WBP11: variants seen among roughly 807,000 people sequenced by gnomAD.
The protein encoded by WBP11 is WW domain binding protein 11.
WBP11 carries 12 observed loss-of-function variants against 66.7 expected under a neutral mutation model. The observed-to-expected ratio is 0.18, with a 90% CI of 0.12 to 0.29. The LOEUF is 0.29. WBP11 is among the 10% of genes least tolerant of loss of function. The pLI is 1.00. For synonymous variants in WBP11, 255 were observed against 273.8 expected (o/e 0.93, Z 0.68); for missense variants, 555 against 818.3 (o/e 0.68, Z 3.93).
chr12:14,794,828 G>A (rs546468455), intron 6 of WBP11, 92 bp from the exon 7 acceptor site: 435 of 1,540,658 alleles, frequency 2.8e-4, no homozygotes, highest in South Asian at 1.1e-3. Flanking sequence ...CAATTTTCAA[G>A]GGATTTCTTA....
rs1379770257 is a variant in WBP11 at position 14,790,633 on chromosome 12, A to G, written c.1132T>C (p.Ser378Pro). The change falls in exon 10 of 12, where the codon TCC becomes CCC. Residue 378 changes from serine (S) to proline (P), a missense_variant. Physicochemically the swap from Ser to Pro is moderately conservative, Grantham distance 74. Transcript: ENST00000261167. The part of the protein sequence containing the change: ...KQSQKQHKEE[S>P]HSDGTSTASS... ...GCAGTGGATGTGCCATCAGAATGGG[A>G]TTCCTCTTTATGCTGCTTTTGTGAT... 1 of 1,614,092 alleles carries G rather than the reference A, an allele frequency of 6.2e-7. No individual in the cohort carries two copies. The highest frequency in any genetic ancestry group is 1.1e-5 in the South Asian group (1 of 91,080).
At position 14,801,438 on chromosome 12, in the gene WBP11, T is replaced by C. The variant is rs1949961240; in HGVS notation, c.-45-10A>G. The C allele has an allele frequency of 6.4e-7, 1 of 1,553,638 alleles. No homozygotes were observed. Among genetic ancestry groups the C allele is most frequent in the Non-Finnish European group, 8.9e-7 (1 of 1,129,022 alleles). On this transcript the variant is annotated splice_polypyrimidine_tract_variant and intron_variant, in intron 1 of 11. Coordinates refer to ENST00000261167, the MANE Select transcript of WBP11 (RefSeq NM_016312.3). The stretch of plus-strand genomic sequence containing the variant: ...TTAAAAAAAGAAAAACCTGTGAAGG[T>C]GAAGACAAAGAAATAGCTTATATCT...
intron 5 of WBP11, among the ~76,000 whole-genome samples, chr12:14,795,398 T>C (rs529687381): frequency 1.7e-4 from 26 of 152,274 alleles, no homozygotes; most frequent in Middle Eastern, 6.8e-3. Flanking sequence ...CTGTTACAAG[T>C]ATCTAGCACC....
intron 8 of WBP11, among the ~76,000 whole-genome samples, chr12:14,792,601 G>A (rs928193725): frequency 1.3e-5 from 2 of 152,098 alleles, no homozygotes; most frequent in East Asian, 1.9e-4. Flanking sequence ...GGGAGGCCGA[G>A]GGGGGCAGAT....
At chr12:14,788,173 A>T (rs1294344663) in intron 11 of WBP11, among the ~76,000 whole-genome samples, 2 of 152,180 alleles carry the variant, frequency 1.3e-5, no homozygotes, top group Non-Finnish European at 2.9e-5. Context: ...CAGGAGGCGG[A>T]GGTTGCAGTG....
intron 5 of WBP11, among the ~76,000 whole-genome samples, chr12:14,795,707 GCAA>G (rs530878468): frequency 6.6e-6 from 1 of 152,122 alleles, no homozygotes; most frequent in South Asian, 2.1e-4. Flanking sequence ...TCCAGCTTGG[GCAA>G]CAGAGTGAGA....
At position 14,796,725 on chromosome 12, in the gene WBP11, T is replaced by C. The variant is rs1949898593; in HGVS notation, c.387+82A>G. The C allele has an allele frequency of 4.2e-5, 55 of 1,325,092 alleles. No homozygotes were observed. The South Asian group carries it at 8.1e-4, about 20-fold the overall frequency. The allele number at this position is 1,325,092 out of a possible 1,614,324, so 82.1% of individuals were successfully genotyped here. ...CCAACAACCCTAAATCCAAAACACTTCTGGTCCCAAGCACTTTGCATAAGG... is the reference window on the plus strand; with the variant it reads ...CCAACAACCCTAAATCCAAAACACTCCTGGTCCCAAGCACTTTGCATAAGG... On this transcript the variant is annotated intron_variant, in intron 5 of 11. Coordinates refer to ENST00000261167, the MANE Select transcript of WBP11 (RefSeq NM_016312.3). The surrounding 1 kb of genome is among the most constrained non-coding windows in gnomAD (Gnocchi z 4.5).
At chr12:14,787,947 C>A (rs953356920) in intron 11 of WBP11, among the ~76,000 whole-genome samples, 1 of 152,128 alleles carries the variant, frequency 6.6e-6, no homozygotes, top group African/African-American at 2.4e-5. Context: ...TCATCAAATG[C>A]ATACGGAGGC....
chr12:14,802,770 T>C (rs570106490), intron 1 of WBP11, among the ~76,000 whole-genome samples: 1 of 152,162 alleles, frequency 6.6e-6, no homozygotes, highest in African/African-American at 2.4e-5. Context: ...TCAGTACATA[T>C]ACAAGCTCTC....
intron 9 of WBP11, 91 bp from the exon 10 acceptor site, chr12:14,790,840 T>C (rs966919704): frequency 1.6e-6 from 2 of 1,284,912 alleles, no homozygotes; most frequent in African/African-American, 3.0e-5. Flanking sequence ...GGTTAATAAA[T>C]GTGTTCTCAA....
rs546678336 is a variant in WBP11, at chr12:14,791,474, G to T, written c.914-204C>A. On this transcript the variant is annotated intron_variant, in intron 8 of 11. Coordinates refer to ENST00000261167, the MANE Select transcript of WBP11 (RefSeq NM_016312.3). ...TAAATTACTAAAGTTGGCCAAAGAA[G>T]TGATAAGCCCAGAATATACAAAACT... 4.6e-5 allele frequency among the ~76,000 whole-genome samples: 7 copies of T among 152,288 alleles called. No individual in the cohort carries two copies. In the East Asian group the frequency reaches 1.3e-3, roughly 29 times the overall value.
chr12:14,795,894 T>C (rs1281436255), intron 5 of WBP11, among the ~76,000 whole-genome samples: 1 of 152,204 alleles, frequency 6.6e-6, no homozygotes, highest in Admixed American at 6.5e-5. Context: ...ATCTGTAAAA[T>C]GGGAGACATA....
At chr12:14,799,553 T>TTAC (rs1423322770) in intron 4 of WBP11, 82 bp downstream of exon 4, 1 of 1,289,076 alleles carries the variant, frequency 7.8e-7, no homozygotes, top group African/African-American at 1.5e-5. Flanking sequence ...TCTGTTTTAC[T>TTAC]TACGCCTATG....
chr12:14,794,216 A>T (rs1949860869), intron 7 of WBP11, among the ~76,000 whole-genome samples: 1 of 152,212 alleles, frequency 6.6e-6, no homozygotes, highest in Admixed American at 6.5e-5. Flanking sequence ...ACACATACAC[A>T]GTCAGTGAAT....
intron 2 of WBP11, chr12:14,801,093 T>C (rs139520101): frequency 6.2e-4 from 291 of 468,996 alleles, no homozygotes; most frequent in Admixed American, 9.3e-4. Flanking sequence ...AAAAGAAAGA[T>C]TTCAGCCAAT....
chr12:14,802,639 G>A (rs1250692086), intron 1 of WBP11, among the ~76,000 whole-genome samples: 4 of 150,898 alleles, frequency 2.7e-5, no homozygotes, highest in East Asian at 3.9e-4. Flanking sequence ...CCATATTCCT[G>A]GCCTAGCTAC....
chr12:14,796,786 C>CAA lies in WBP11; in HGVS notation c.387+19_387+20dup, dbSNP rs71438330. 2.1e-3 allele frequency: 2,971 copies of CAA among 1,423,390 alleles called. 3 individuals carry two copies. Among genetic ancestry groups the CAA allele is most frequent in the African/African-American group, 8.3e-3 (567 of 68,298 alleles). 88.2% of individuals were successfully genotyped at this position (1,423,390 alleles called of 1,614,324 possible). A position where few individuals can be genotyped will look rare whatever the true frequency, so the allele number is the denominator to read the frequency against. Reference sequence around the variant, plus strand: ...CTGTATAATATTTTAGTTTATCTCTCAAAAAAAAAACCTTGATTACCTTGA... The same window carrying CAA: ...CTGTATAATATTTTAGTTTATCTCTCAAAAAAAAAAAACCTTGATTACCTTGA... On this transcript the variant is annotated intron_variant, in intron 5 of 11. Transcript: ENST00000261167. This position sits in a 1 kb window ranked among gnomAD's most constrained non-coding sequence, Gnocchi z 4.5.
intron 8 of WBP11, among the ~76,000 whole-genome samples, chr12:14,791,488 A>T (rs183495508): frequency 6.6e-6 from 1 of 152,232 alleles, no homozygotes; most frequent in South Asian, 2.1e-4. Context: ...TAAGCCCAGA[A>T]TATACAAAAC....
In WBP11 at chr12:14,801,394, T is replaced by G; in HGVS notation, c.-11A>C. On this transcript the variant is annotated 5_prime_UTR_variant, in exon 2 of 12. Coordinates refer to ENST00000261167, the MANE Select transcript of WBP11 (RefSeq NM_016312.3). ...AGATCTCCGTCCCATGTTGACAATTTGTATGGTTTACTTGTTCATTAAAAA... is the reference window on the plus strand; with the variant it reads ...AGATCTCCGTCCCATGTTGACAATTGGTATGGTTTACTTGTTCATTAAAAA... 1 of 1,610,254 alleles carries G rather than the reference T, an allele frequency of 6.2e-7. No individual in the cohort carries two copies. Among genetic ancestry groups the G allele is most frequent in the Non-Finnish European group, 8.5e-7 (1 of 1,178,460 alleles).
Sources: gnomAD v4.1 joint callset for allele counts (sites outside exome capture counted in the v4.1 genomes callset) on GRCh38, gnomAD v4.1.1 for gene constraint, Gnocchi (gnomAD v3.1) non-coding constraint, MANE v1.5 for transcripts, NCBI Gene and HGNC (gene_info 2026-07-23, HGNC 2026-07-21) for gene names.